Variants in EME2 observed in about 807,000 individuals in gnomAD.
EME2 encodes the protein structure-specific endonuclease subunit EME2.
Under a neutral mutation model 41.9 loss-of-function variants are expected in EME2, and 58 were observed. The observed-to-expected ratio is 1.38, with a 90% CI of 1.12 to 1.72. The LOEUF is 1.72. Among genes scored for constraint, EME2 ranks in the 40% most tolerant of loss-of-function variants. The probability of loss-of-function intolerance (pLI) is 0.00; values close to 1 mark genes in which losing one functional copy is unlikely to be tolerated. For missense variants in EME2, 695 were observed against 541.9 expected, an observed-to-expected ratio of 1.28 and a Z score of -2.81; for synonymous variants, 334 against 239.3, an observed-to-expected ratio of 1.40 and a Z score of -3.65.
intron 5 of EME2, 71 bp from the exon 6 acceptor site, chr16:1,775,498 G>C: frequency 6.3e-7 from 1 of 1,596,492 alleles, no homozygotes; most frequent in Non-Finnish European, 8.6e-7. Context: ...GTGGTACATG[G>C]GGCAGCTATC....
chr16:1,773,939 C>T (rs1179105276), intron 2 of EME2, 98 bp downstream of exon 2: 30 of 1,394,986 alleles, frequency 2.2e-5, no homozygotes, highest in African/African-American at 2.9e-5. Flanking sequence ...TGCCCTGGGC[C>T]GTGCGCGTCT....
intron 2 of EME2, 144 bp from the exon 3 acceptor site, chr16:1,774,116 G>A (rs2042674022): frequency 1.3e-6 from 1 of 788,464 alleles, no homozygotes; most frequent in South Asian, 1.7e-5. Flanking sequence ...GCAGGAAAGG[G>A]AACACTGGGC....
rs2042704619 is a variant in EME2 at position 1,775,896 on chromosome 16, G to C, written c.879G>C (p.Trp293Cys). 12 of 1,612,476 alleles carry C rather than the reference G, an allele frequency of 7.4e-6. No homozygotes were observed. The highest frequency in any genetic ancestry group is 9.3e-6 in the Non-Finnish European group (11 of 1,179,830). Residue 293 changes from tryptophan (W) to cysteine (C), a missense_variant, in exon 7 of 8, where the codon TGG becomes TGC. Transcript: ENST00000568449. Reference protein sequence around the residue: ...ARDGAGLQAAWRRQIRQFSRV... With the variant: ...ARDGAGLQAACRRQIRQFSRV... The stretch of plus-strand genomic sequence containing the variant: ...ACGGCGCAGGGCTGCAGGCGGCCTG[G>C]CGGAGGCAGATCAGGCAGTTCAGTC...
rs1014489687 is a variant in EME2, at chr16:1,777,027, G to A, written c.*789G>A. 1 of 1,524,452 alleles carries A rather than the reference G, an allele frequency of 6.6e-7. No individual in the cohort carries two copies. The highest frequency in any genetic ancestry group is 1.2e-5 in the South Asian group (1 of 81,568). The allele number at this position is 1,524,452 out of a possible 1,614,324, so 94.4% of individuals were successfully genotyped here. ...GCCCTGGAGTGTGGCTGGAAGGAAGGGACAGAGAAAGAAGGGACAGAGGAA... is the reference window on the plus strand; with the variant it reads ...GCCCTGGAGTGTGGCTGGAAGGAAGAGACAGAGAAAGAAGGGACAGAGGAA... On this transcript the variant is annotated 3_prime_UTR_variant, in exon 8 of 8. Coordinates refer to ENST00000568449, the MANE Select transcript of EME2 (RefSeq NM_001257370.2).
chr16:1,775,290 G>A (rs773560353), intron 4 of EME2, 25 bp from the exon 5 acceptor site: 5 of 1,608,500 alleles, frequency 3.1e-6, no homozygotes, highest in Non-Finnish European at 4.2e-6. Flanking sequence ...ATGGGGAGCG[G>A]GGAGGAATGG....
rs376006516 is a variant in EME2 at position 1,773,285 on chromosome 16, C to T, written c.58C>T (p.Arg20Trp). The change falls in exon 1 of 8, where the codon CGG becomes TGG. Residue 20 changes from arginine to tryptophan, a missense_variant. Arg to Trp is a moderately radical substitution (Grantham distance 101, BLOSUM62 -3). Coordinates refer to ENST00000568449, the MANE Select transcript of EME2 (RefSeq NM_001257370.2). ...CTCTTGCCAGGGCCGGGGCCGGGGA[C>T]GGGGCGGGAGCGGTCAGCGGCGACC... ...GVSCQGRGRG[R>W]GGSGQRRPPT... The T allele has an allele frequency of 2.1e-4, 311 of 1,472,172 alleles. No homozygotes were observed. Among genetic ancestry groups the T allele is most frequent in the Non-Finnish European group, 6.1e-5 (68 of 1,119,724 alleles). The allele number at this position is 1,472,172 out of a possible 1,614,324, so 91.2% of individuals were successfully genotyped here.
chr16:1,772,912 G>C lies in EME2; in HGVS notation c.-316G>C, dbSNP rs1478722486. The C allele has an allele frequency of 7.6e-6, 11 of 1,449,482 alleles. No individual in the cohort carries two copies. Among genetic ancestry groups the C allele is most frequent in the Non-Finnish European group, 9.9e-6 (11 of 1,107,852 alleles). The allele number at this position is 1,449,482 out of a possible 1,614,324, so 89.8% of individuals were successfully genotyped here. A position where few individuals can be genotyped will look rare whatever the true frequency, so the allele number is the denominator to read the frequency against. ...CGGCCCAGGCCGAAGAGCGGGAGGC[G>C]GCCGAGCAGCTGCAAGAGGCGGCTC... On this transcript the variant is annotated 5_prime_UTR_variant, in exon 1 of 8. Coordinates refer to ENST00000568449, the MANE Select transcript of EME2 (RefSeq NM_001257370.2).
rs1441768055 is a variant in EME2, at chr16:1,780,605, G to GT, written c.*4373dup. On this transcript the variant is annotated 3_prime_UTR_variant, in exon 8 of 8. Coordinates refer to ENST00000568449, the MANE Select transcript of EME2 (RefSeq NM_001257370.2). ...AGGATCAGGGTTTTTCTGTTTGTTT[G>GT]TTTTTTAACACACATATATGTGAAC... 1 of 153,220 alleles carries GT rather than the reference G, an allele frequency of 6.5e-6. No individual in the cohort carries two copies. The allele number at this position is 153,220 out of a possible 1,614,324, so 9.5% of individuals were successfully genotyped here.
In EME2 at chr16:1,780,354, C is replaced by T. The variant is rs749309388; in HGVS notation, c.*4116C>T. ...GGAAACCGACTGGGAAATCACCCCC[C>T]ACAGGGACCCCCACCCCTCCCAGCC... On this transcript the variant is annotated 3_prime_UTR_variant, in exon 8 of 8. Coordinates refer to ENST00000568449, the MANE Select transcript of EME2 (RefSeq NM_001257370.2). 3 of 148,422 alleles carry T rather than the reference C, an allele frequency of 2.0e-5. No homozygotes were observed. The highest frequency in any genetic ancestry group is 4.5e-5 in the Non-Finnish European group (3 of 67,244). 9.2% of individuals were successfully genotyped at this position (148,422 alleles called of 1,614,324 possible). A position where few individuals can be genotyped will look rare whatever the true frequency, so the allele number is the denominator to read the frequency against.
rs777091490 is a variant in EME2 at position 1,776,099 on chromosome 16, G to C, written c.1001G>C (p.Arg334Pro). The change falls in exon 8 of 8, where the codon CGC becomes CCC. Residue 334 changes from arginine to proline, a missense_variant. Physicochemically the swap from Arg to Pro is moderately radical, Grantham distance 103. Coordinates refer to ENST00000568449, the MANE Select transcript of EME2 (RefSeq NM_001257370.2). ...ALEACSTERE[R>P]MGLLADLPVP... ...GAGGCCTGCAGCACGGAGCGGGAGC[G>C]CATGGGCCTCCTGGCCGACCTTCCT... The C allele has an allele frequency of 6.2e-7, 1 of 1,610,962 alleles. No individual in the cohort carries two copies.
chr16:1,778,075 G>A lies in EME2; in HGVS notation c.*1837G>A, dbSNP rs377461244. ...TAGGAACAGGGGCCAGGCAGAGGGC[G>A]CGGGGCTGGGCTGCCGGAGCCAGGT... On this transcript the variant is annotated 3_prime_UTR_variant, in exon 8 of 8. Coordinates refer to ENST00000568449, the MANE Select transcript of EME2 (RefSeq NM_001257370.2). 1.0e-4 allele frequency: 167 copies of A among 1,612,992 alleles called. No homozygotes were observed. The highest frequency in any genetic ancestry group is 6.1e-4 in the African/African-American group (46 of 75,020).
chr16:1,773,786 G>T lies in EME2; in HGVS notation c.329G>T (p.Arg110Leu), dbSNP rs780043716. ...TGCGAGTGCCGCATCGAGCCCCAGC[G>T]CCCGGCCCGCAGCCTGCGGTGGACC... ...LGCECRIEPQRPARSLRWTRA... is the reference protein window; with the variant it reads ...LGCECRIEPQLPARSLRWTRA... The change falls in exon 2 of 8, where the codon CGC (arginine) becomes CTC (leucine). Residue 110 changes from arginine to leucine, a missense_variant. Transcript: ENST00000568449. 1.0e-4 allele frequency: 155 copies of T among 1,552,984 alleles called. No individual in the cohort carries two copies. The highest frequency in any genetic ancestry group is 1.3e-4 in the Non-Finnish European group (155 of 1,150,126).
Position 1,772,826 on chromosome 16 carries a change from CGT to C in EME2, c.-400_-399del. 2.1e-6 allele frequency: 3 copies of C among 1,444,708 alleles called. No individual in the cohort carries two copies. Among genetic ancestry groups the C allele is most frequent in the Non-Finnish European group, 2.7e-6 (3 of 1,103,882 alleles). 89.5% of individuals were successfully genotyped at this position (1,444,708 alleles called of 1,614,324 possible). On this transcript the variant is annotated 5_prime_UTR_variant, in exon 1 of 8. Transcript: ENST00000568449. ...GCGCCGTGTAGTCGGGCCGCACCCG[CGT>C]GAGGCGCCAGTAGCACGGCTCGTCG...
In EME2 at chr16:1,776,564, A is replaced by G; in HGVS notation, c.*326A>G. ...GACCAGAAGGCAGCTCCAGGGCCCC[A>G]CTGCCACCTGGAGGCTTGGGGTGTG... On this transcript the variant is annotated 3_prime_UTR_variant, in exon 8 of 8. Transcript: ENST00000568449. 2.9e-6 allele frequency: 1 copy of G among 350,518 alleles called. No individual in the cohort carries two copies. Among genetic ancestry groups the G allele is most frequent in the East Asian group, 5.1e-5 (1 of 19,748 alleles). 21.7% of individuals were successfully genotyped at this position (350,518 alleles called of 1,614,324 possible). A position where few individuals can be genotyped will look rare whatever the true frequency, so the allele number is the denominator to read the frequency against.
chr16:1,773,363 G>A lies in EME2; in HGVS notation c.136G>A (p.Ala46Thr). The A allele has an allele frequency of 4.6e-6, 7 of 1,524,478 alleles. No individual in the cohort carries two copies. The highest frequency in any genetic ancestry group is 6.1e-6 in the Non-Finnish European group (7 of 1,147,230). 94.4% of individuals were successfully genotyped at this position (1,524,478 alleles called of 1,614,324 possible). A position where few individuals can be genotyped will look rare whatever the true frequency, so the allele number is the denominator to read the frequency against. Residue 46 changes from alanine (A) to threonine (T), a missense_variant, in exon 1 of 8, where the codon GCC becomes ACC. Ala to Thr is a moderately conservative substitution (Grantham distance 58). Coordinates refer to ENST00000568449, the MANE Select transcript of EME2 (RefSeq NM_001257370.2). Reference protein sequence around the residue: ...SDAEDSAGSEAAARARDPAGE... With the variant: ...SDAEDSAGSETAARARDPAGE... ...CGCTGAGGACTCCGCCGGCTCGGAG[G>A]CCGCCGCGAGAGCCCGGGACCCAGC...
chr16:1,778,652 T>G lies in EME2; in HGVS notation c.*2414T>G. ...CCGGCTGTTACTACCTGTTGCCCGC[T>G]CTCTACCCTCTCACCCTTGCCCTCT... On this transcript the variant is annotated 3_prime_UTR_variant, in exon 8 of 8. Transcript: ENST00000568449. 6.6e-7 allele frequency: 1 copy of G among 1,516,238 alleles called. No homozygotes were observed. Among genetic ancestry groups the G allele is most frequent in the Non-Finnish European group, 8.8e-7 (1 of 1,134,680 alleles). 93.9% of individuals were successfully genotyped at this position (1,516,238 alleles called of 1,614,324 possible). A position where few individuals can be genotyped will look rare whatever the true frequency, so the allele number is the denominator to read the frequency against.
chr16:1,777,919 C>A lies in EME2; in HGVS notation c.*1681C>A, dbSNP rs780588993. The A allele has an allele frequency of 2.5e-6, 4 of 1,611,804 alleles. No homozygotes were observed. Among genetic ancestry groups the A allele is most frequent in the Non-Finnish European group, 3.4e-6 (4 of 1,179,642 alleles). ...GTGAGCCCGGGAGCTCCAGGCTCGG[C>A]CCCGCCCCACCCTGGGCCTCACGCA... On this transcript the variant is annotated 3_prime_UTR_variant, in exon 8 of 8. Transcript: ENST00000568449.
Position 1,773,390 on chromosome 16 carries a change from G to A in EME2, c.163G>A (p.Gly55Ser), listed in dbSNP as rs541267274. ...CGCCGCGAGAGCCCGGGACCCAGCG[G>A]GTGAGCGCAGGGCGGCTGCCGAGGC... ...EAAARARDPA[G>S]ERRAAAEALR... The change falls in exon 1 of 8, where the codon GGT (glycine) becomes AGT (serine). Residue 55 changes from glycine to serine, a missense_variant. Coordinates refer to ENST00000568449, the MANE Select transcript of EME2 (RefSeq NM_001257370.2). The A allele has an allele frequency of 2.2e-5, 34 of 1,552,336 alleles. No individual in the cohort carries two copies. In the African/African-American group the frequency reaches 4.2e-4, roughly 19 times the overall value.
rs1453024903 is a variant in EME2, at chr16:1,776,313, CCAGCCACATGTGGACCCT to C, written c.*81_*98del. On this transcript the variant is annotated 3_prime_UTR_variant, in exon 8 of 8. Transcript: ENST00000568449. Reference sequence around the variant, plus strand: ...CACCCTGGGCGGTGGGGGAGGACCCCCAGCCACATGTGGACCCTCAGCCTGGGTGGGTTCTCTGGCTGA... The same window carrying C: ...CACCCTGGGCGGTGGGGGAGGACCCCCAGCCTGGGTGGGTTCTCTGGCTGA... 1 of 1,491,824 alleles carries C rather than the reference CCAGCCACATGTGGACCCT, an allele frequency of 6.7e-7. No individual in the cohort carries two copies. Among genetic ancestry groups the C allele is most frequent in the Non-Finnish European group, 9.2e-7 (1 of 1,084,984 alleles). The allele number at this position is 1,491,824 out of a possible 1,614,324, so 92.4% of individuals were successfully genotyped here.
Sources: allele counts gnomAD v4.1 joint callset, GRCh38; gene constraint gnomAD v4.1.1; transcripts MANE v1.5; gene names NCBI Gene and HGNC (gene_info 2026-07-23, HGNC 2026-07-21).